The following RPH3A variants were observed in gnomAD, a reference collection of about 807,000 sequenced individuals.
RPH3A encodes rabphilin-3A.
A neutral mutation model predicts 102.2 loss-of-function variants in RPH3A; 48 were observed. The observed-to-expected ratio is 0.47, with a 90% CI of 0.37 to 0.60. The LOEUF is 0.60. Among genes scored for constraint, RPH3A ranks in the 20% least tolerant of loss-of-function variants. The pLI is 0.00. For synonymous variants in RPH3A, 310 were observed against 324.3 expected (o/e 0.96, Z 0.47); for missense variants, 781 against 910.1 (o/e 0.86, Z 1.83).
At chr12:112,759,652 C>A (rs1565872244) in intron 1 of RPH3A, among the ~76,000 whole-genome samples, 2 of 152,112 alleles carry the variant, frequency 1.3e-5, no homozygotes, top group Non-Finnish European at 2.9e-5. Flanking sequence ...GTCCCTAACT[C>A]CAAAAGGTGA....
intron 1 of RPH3A, among the ~76,000 whole-genome samples, chr12:112,579,337 G>A (rs1384434235): frequency 1.3e-5 from 2 of 152,132 alleles, no homozygotes; most frequent in Non-Finnish European, 2.9e-5. Context: ...CCCAAAGCAC[G>A]GCTCAAACAG....
rs189105746 is a variant in RPH3A at position 112,666,083 on chromosome 12, C to T, written c.-140+90764C>T. ...TCCCTTGCTACTTACTCGACACATG[C>T]ATTGATGTATCAGACAACTCCAACT... On this transcript the variant is annotated intron_variant, in intron 1 of 21. Transcript: ENST00000543106. Among the ~76,000 whole-genome samples the T allele has an allele frequency of 2.3e-3, 357 of 152,286 alleles. 4 individuals carry two copies. The highest frequency in any genetic ancestry group is 0.013 in the East Asian group (67 of 5,180).
intron 1 of RPH3A, among the ~76,000 whole-genome samples, chr12:112,733,474 G>A (rs946832425): frequency 6.6e-5 from 10 of 152,132 alleles, no homozygotes; most frequent in Non-Finnish European, 1.2e-4. Context: ...GTGTGCAGGG[G>A]AAGCCTTCAG....
chr12:112,850,974 T>C (rs188325268), intron 5 of RPH3A: 1 of 152,324 alleles, frequency 6.6e-6, no homozygotes, highest in Admixed American at 6.5e-5. Context: ...GCTCCTTCTA[T>C]GTTGAAATCG....
intron 1 of RPH3A, among the ~76,000 whole-genome samples, chr12:112,578,994 C>T (rs2039377745): frequency 1.3e-5 from 2 of 152,130 alleles, no homozygotes; most frequent in Non-Finnish European, 1.5e-5. Context: ...ACTAGTTCTT[C>T]CTCTTTCTTC....
At chr12:112,648,744 C>CA (rs1197742131) in intron 1 of RPH3A, among the ~76,000 whole-genome samples, 23,075 of 57,776 alleles carry the variant, frequency 0.4, 3,043 homozygotes, top group East Asian at 0.48. Context: ...GACACGGTCT[C>CA]AAAAAAAAAA....
At chr12:112,755,257 C>T (rs2040814707) in intron 1 of RPH3A, among the ~76,000 whole-genome samples, 1 of 151,034 alleles carries the variant, frequency 6.6e-6, no homozygotes, top group South Asian at 2.1e-4. Context: ...TCCAGGATAA[C>T]TTTATGCAAA....
chr12:112,851,175 C>T (rs1022802351), intron 5 of RPH3A, among the ~76,000 whole-genome samples: 2 of 152,174 alleles, frequency 1.3e-5, no homozygotes, highest in African/African-American at 4.8e-5. Flanking sequence ...TTAACTGCTC[C>T]TCTCAACCTT....
At chr12:112,593,695 T>C (rs1016821889) in intron 1 of RPH3A, among the ~76,000 whole-genome samples, 2 of 152,252 alleles carry the variant, frequency 1.3e-5, no homozygotes, top group Non-Finnish European at 2.9e-5. Context: ...TATTGAGTGC[T>C]GTCTATTGTG....
chr12:112,723,702 A>G (rs1340775578), intron 1 of RPH3A, among the ~76,000 whole-genome samples: 2 of 152,338 alleles, frequency 1.3e-5, no homozygotes, highest in East Asian at 3.9e-4. Context: ...GGAGAGATAT[A>G]CTGTTCACTT....
At chr12:112,751,906 A>G (rs1287090532) in intron 1 of RPH3A, among the ~76,000 whole-genome samples, 1 of 152,238 alleles carries the variant, frequency 6.6e-6, no homozygotes, top group Admixed American at 6.5e-5. Flanking sequence ...GATGATGTGT[A>G]TGATAATATT....
At chr12:112,784,881 A>G (rs1454926800) in intron 1 of RPH3A, among the ~76,000 whole-genome samples, 1 of 152,208 alleles carries the variant, frequency 6.6e-6, no homozygotes, top group Non-Finnish European at 1.5e-5. Flanking sequence ...TTTTGGCCTA[A>G]GATTGTGTTT....
chr12:112,723,755 A>C (rs1286150277), intron 1 of RPH3A, among the ~76,000 whole-genome samples: 2 of 152,250 alleles, frequency 1.3e-5, no homozygotes, highest in Non-Finnish European at 2.9e-5. Flanking sequence ...GGATACTCTC[A>C]ACACTTGAGC....
At chr12:112,633,277 T>A (rs1243160587) in intron 1 of RPH3A, among the ~76,000 whole-genome samples, 1 of 152,186 alleles carries the variant, frequency 6.6e-6, no homozygotes, top group Non-Finnish European at 1.5e-5. Context: ...TAGTTGTGTT[T>A]AATTTTGTTT....
At chr12:112,743,061 T>C (rs1343308068) in intron 1 of RPH3A, among the ~76,000 whole-genome samples, 1 of 152,120 alleles carries the variant, frequency 6.6e-6, no homozygotes, top group Non-Finnish European at 1.5e-5. Flanking sequence ...AATCTCCCTC[T>C]GCCTCTGTCT....
intron 1 of RPH3A, among the ~76,000 whole-genome samples, chr12:112,775,080 G>A (rs2040956722): frequency 6.6e-6 from 1 of 152,128 alleles, no homozygotes; most frequent in Non-Finnish European, 1.5e-5. Context: ...GGGAGGCAGA[G>A]TATTAGGAAG....
At chr12:112,633,340 T>C (rs1592917604) in intron 1 of RPH3A, among the ~76,000 whole-genome samples, 1 of 152,344 alleles carries the variant, frequency 6.6e-6, no homozygotes, top group Non-Finnish European at 1.5e-5. Flanking sequence ...AAAACTCATG[T>C]TGAAACTTAA....
chr12:112,624,330 A>C (rs1388057861), intron 1 of RPH3A, among the ~76,000 whole-genome samples: 2 of 151,332 alleles, frequency 1.3e-5, no homozygotes, highest in African/African-American at 4.9e-5. Flanking sequence ...AATAAAGAAA[A>C]AAAGAAGAAT....
intron 1 of RPH3A, among the ~76,000 whole-genome samples, chr12:112,576,918 T>A (rs2039364242): frequency 1.4e-5 from 2 of 147,222 alleles, no homozygotes; most frequent in Admixed American, 1.3e-4. Flanking sequence ...CCTTTTTTTT[T>A]TTTTTGAGAT....
Sources: allele counts gnomAD v4.1 joint callset (sites outside exome capture counted in the v4.1 genomes callset), GRCh38; gene constraint gnomAD v4.1.1; transcripts MANE v1.5; gene names NCBI Gene and HGNC (gene_info 2026-07-23, HGNC 2026-07-21).